The following DLG5 variants were observed in gnomAD, a reference collection of about 807,000 sequenced individuals.
DLG5 encodes the protein disks large homolog 5.
DLG5 carries 48 observed loss-of-function variants against 189.8 expected under a neutral mutation model. The observed-to-expected ratio is 0.25, with a 90% CI of 0.20 to 0.32. DLG5 has a LOEUF of 0.32. Ranked by LOEUF, DLG5 falls within the 10% of genes least tolerant of loss-of-function variation. The probability of loss-of-function intolerance (pLI) is 1.00; values close to 1 mark genes in which losing one functional copy is unlikely to be tolerated. For missense variants in DLG5, 2,160 were observed against 2,544.7 expected, an observed-to-expected ratio of 0.85 and a Z score of 3.25; for synonymous variants, 1,016 against 1,054.1, an observed-to-expected ratio of 0.96 and a Z score of 0.70.
At chr10:77,895,995 AC>A (rs2154577740) in intron 1 of DLG5, among the ~76,000 whole-genome samples, 1 of 152,224 alleles carries the variant, frequency 6.6e-6, no homozygotes, top group Non-Finnish European at 1.5e-5. Flanking sequence ...AGCTCTGAAC[AC>A]CTTCAGAACA....
chr10:77,828,919 T>A lies in DLG5; in HGVS notation c.2252A>T (p.Lys751Ile), dbSNP rs1251336793. 5.0e-6 allele frequency: 8 copies of A among 1,614,058 alleles called. No homozygotes were observed. The highest frequency in any genetic ancestry group is 6.8e-6 in the Non-Finnish European group (8 of 1,180,030). ...GTCTCCCACAGCAAGGGACCCTTCT[T>A]TAGCGGCAGGGCTTCCAGGCAGCAC... The part of the protein sequence containing the change: ...AAVLPGSPAA[K>I]EGSLAVGDRI... The change falls in exon 13 of 32, where the codon AAA (lysine) becomes ATA (isoleucine). Residue 751 changes from lysine (K) to isoleucine (I), a missense_variant. Lys to Ile is a moderately radical substitution (Grantham distance 102, BLOSUM62 -3). Around this residue, in one of 5 missense-constraint regions of DLG5, gnomAD observed 107 missense variants for 214.5 expected, o/e 0.50. Coordinates refer to ENST00000372391, the MANE Select transcript of DLG5 (RefSeq NM_004747.4).
chr10:77,914,673 A>G (rs1355042124), intron 1 of DLG5, among the ~76,000 whole-genome samples: 1 of 151,948 alleles, frequency 6.6e-6, no homozygotes, highest in Non-Finnish European at 1.5e-5. Context: ...TCCTCCCAGG[A>G]GTAACATAAC....
intron 27 of DLG5, among the ~76,000 whole-genome samples, chr10:77,798,968 G>C (rs1477098696): frequency 6.6e-6 from 1 of 152,130 alleles, no homozygotes; most frequent in African/African-American, 2.4e-5. Flanking sequence ...TAAAAAACTG[G>C]TAAGAAATAC....
intron 1 of DLG5, among the ~76,000 whole-genome samples, chr10:77,905,881 T>C (rs1369704190): frequency 3.9e-5 from 6 of 152,244 alleles, no homozygotes; most frequent in Admixed American, 3.3e-4. Context: ...TATTGTTCTA[T>C]ATCAGCAATC....
chr10:77,842,226 C>G (rs370904571), intron 6 of DLG5, 33 bp from the exon 7 acceptor site: 96 of 1,584,416 alleles, frequency 6.1e-5, no homozygotes, highest in Non-Finnish European at 7.9e-5. Flanking sequence ...GTGGGAAGGG[C>G]GGGGGCCCTG....
At chr10:77,793,766 T>C in intron 31 of DLG5, 1 of 549,916 alleles carries the variant, frequency 1.8e-6, no homozygotes, top group Non-Finnish European at 3.3e-6. Flanking sequence ...CGTGTGAAAA[T>C]GAGCAGGCAA....
At position 77,926,196 on chromosome 10, in the gene DLG5, G is replaced by A; in HGVS notation, c.304+21C>T. On this transcript the variant is annotated intron_variant, in intron 1 of 31. Coordinates refer to ENST00000372391, the MANE Select transcript of DLG5 (RefSeq NM_004747.4). The surrounding 1 kb of genome is among the most constrained non-coding windows in gnomAD (Gnocchi z 5.2). The stretch of plus-strand genomic sequence containing the variant: ...GCGGAGGGCGCGTCCCAGAGGCGGG[G>A]GCCAAGGGTCTGCCACTCACCCGCG... 1 of 1,433,650 alleles carries A rather than the reference G, an allele frequency of 7.0e-7. No individual in the cohort carries two copies. The highest frequency in any genetic ancestry group is 9.2e-7 in the Non-Finnish European group (1 of 1,082,824). 88.8% of individuals were successfully genotyped at this position (1,433,650 alleles called of 1,614,324 possible).
chr10:77,848,879 G>A (rs925770381), intron 5 of DLG5, among the ~76,000 whole-genome samples: 2 of 152,088 alleles, frequency 1.3e-5, no homozygotes, highest in African/African-American at 4.8e-5. Flanking sequence ...GCCCACATTG[G>A]TTGAAGATTT....
At chr10:77,904,118 C>G (rs1846007439) in intron 1 of DLG5, among the ~76,000 whole-genome samples, 1 of 152,130 alleles carries the variant, frequency 6.6e-6, no homozygotes, top group South Asian at 2.1e-4. Context: ...GAGTTTGAGG[C>G]TGTAGTGCAC....
chr10:77,808,007 G>A, intron 24 of DLG5, 63 bp from the exon 25 acceptor site: 1 of 1,597,920 alleles, frequency 6.3e-7, no homozygotes, highest in Admixed American at 1.7e-5. Flanking sequence ...GGGCACCCGA[G>A]AGGGGCCAGT....
Position 77,835,835 on chromosome 10 carries a change from G to C in DLG5, c.1525C>G (p.Leu509Val). The change falls in exon 8 of 32, where the codon CTG becomes GTG. Residue 509 changes from leucine to valine, a missense_variant. Leu to Val is a conservative substitution (Grantham distance 32, BLOSUM62 1). Coordinates refer to ENST00000372391, the MANE Select transcript of DLG5 (RefSeq NM_004747.4). ...TCCGCCTCCTGGAGGGCTTCCTTCAGCTCCTGGCACAGAGCCTTGCACTGC... is the reference window on the plus strand; with the variant it reads ...TCCGCCTCCTGGAGGGCTTCCTTCACCTCCTGGCACAGAGCCTTGCACTGC... ...RKQCKALCQE[L>V]KEALQEADVA... The C allele has an allele frequency of 6.2e-7, 1 of 1,614,110 alleles. No individual in the cohort carries two copies. Among genetic ancestry groups the C allele is most frequent in the South Asian group, 1.1e-5 (1 of 91,084 alleles).
chr10:77,852,602 A>G (rs1844035583), intron 5 of DLG5, among the ~76,000 whole-genome samples: 1 of 151,934 alleles, frequency 6.6e-6, no homozygotes, highest in African/African-American at 2.4e-5. Flanking sequence ...TTTTTAGTAG[A>G]GATGGGGTTT....
intron 26 of DLG5, 165 bp from the exon 27 acceptor site, chr10:77,806,026 CG>C (rs1841453810): frequency 1.6e-6 from 1 of 643,380 alleles, no homozygotes; most frequent in East Asian, 2.8e-5. Context: ...TGGGAACCCT[CG>C]GTACATGCTG....
intron 1 of DLG5, among the ~76,000 whole-genome samples, chr10:77,895,491 T>C (rs1239309668): frequency 1.3e-5 from 2 of 152,104 alleles, no homozygotes; most frequent in African/African-American, 4.8e-5. Context: ...GCCCTGAGTA[T>C]AGAAAAGAAT....
At chr10:77,865,870 G>C (rs1009924143) in intron 2 of DLG5, among the ~76,000 whole-genome samples, 2 of 152,108 alleles carry the variant, frequency 1.3e-5, no homozygotes, top group Non-Finnish European at 2.9e-5. Context: ...CTGGAGATCC[G>C]AGACCCGACA....
At chr10:77,840,728 A>G (rs1463788784) in intron 7 of DLG5, among the ~76,000 whole-genome samples, 1 of 152,158 alleles carries the variant, frequency 6.6e-6, no homozygotes, top group Non-Finnish European at 1.5e-5. Context: ...AAAAAAAAAG[A>G]AAGAAAGAAA....
At chr10:77,871,606 G>A (rs371329127) in intron 1 of DLG5, among the ~76,000 whole-genome samples, 12 of 144,760 alleles carry the variant, frequency 8.3e-5, no homozygotes, top group Admixed American at 2.1e-4. Context: ...GCAATGGCGC[G>A]ATCTCGGCTC....
intron 27 of DLG5, among the ~76,000 whole-genome samples, chr10:77,798,691 T>C (rs1841050162): frequency 6.6e-6 from 1 of 152,218 alleles, no homozygotes; most frequent in African/African-American, 2.4e-5. Context: ...GCTCTGCTCC[T>C]TTTGGGCATC....
In DLG5 at chr10:77,926,298, G is replaced by T; in HGVS notation, c.223C>A (p.Leu75Met). ...AGCAGGTGAGGCTGCGTCTTCTCCA[G>T]CGCCGCCCGCAGGTCCTGGAAGTGG... ...RDHFQDLRAA[L>M]EKTQPHLLPI... The change falls in exon 1 of 32, where the codon CTG (leucine) becomes ATG (methionine). Residue 75 changes from leucine (L) to methionine (M), a missense_variant. Around this residue, in one of 5 missense-constraint regions of DLG5, gnomAD observed 664 missense variants for 838.5 expected, o/e 0.79. Coordinates refer to ENST00000372391, the MANE Select transcript of DLG5 (RefSeq NM_004747.4). This position sits in a 1 kb window ranked among gnomAD's most constrained non-coding sequence, Gnocchi z 5.2. The T allele has an allele frequency of 6.3e-7, 1 of 1,597,020 alleles. No individual in the cohort carries two copies. The highest frequency in any genetic ancestry group is 1.7e-5 in the Admixed American group (1 of 57,670).
Sources: allele counts gnomAD v4.1 joint callset (sites outside exome capture counted in the v4.1 genomes callset), GRCh38; gene constraint gnomAD v4.1.1; regional missense constraint gnomAD v4.1.1; non-coding constraint Gnocchi (gnomAD v3.1); transcripts MANE v1.5; gene names NCBI Gene and HGNC (gene_info 2026-07-23, HGNC 2026-07-21).